SOX6: variants seen among roughly 807,000 people sequenced by gnomAD.
SOX6 encodes the protein SRY-box transcription factor 6, also known as transcription factor SOX-6.
In SOX6, 11 loss-of-function variants were observed where a neutral mutation model predicts 97.8. The ratio of observed to expected loss-of-function variants is 0.11; its 90% confidence interval spans 0.07 to 0.19. The LOEUF (loss-of-function observed/expected upper bound fraction) is 0.19. Among genes scored for constraint, SOX6 ranks in the 10% least tolerant of loss-of-function variants. The probability of loss-of-function intolerance (pLI) is 1.00; values close to 1 mark genes in which losing one functional copy is unlikely to be tolerated. For missense variants in SOX6, 810 were observed against 1,039.5 expected, an observed-to-expected ratio of 0.78 and a Z score of 3.04; for synonymous variants, 360 against 371.4, an observed-to-expected ratio of 0.97 and a Z score of 0.35.
intron 1 of SOX6, among the ~76,000 whole-genome samples, chr11:16,396,842 A>T (rs1441128562): frequency 6.6e-6 from 1 of 151,360 alleles, no homozygotes; most frequent in Non-Finnish European, 1.5e-5. Context: ...ATATCTTTTC[A>T]CTTAATTTTC....
intron 4 of SOX6, among the ~76,000 whole-genome samples, chr11:16,588,419 C>A (rs566858579): frequency 6.6e-6 from 1 of 152,126 alleles, no homozygotes; most frequent in South Asian, 2.1e-4. Flanking sequence ...AATATACCAA[C>A]GAGTTAGAGA....
chr11:16,328,858 T>A (rs1261841637), intron 2 of SOX6, among the ~76,000 whole-genome samples: 1 of 152,102 alleles, frequency 6.6e-6, no homozygotes, highest in Admixed American at 6.6e-5. Context: ...AAAAAGTATG[T>A]TTTTTTCTAA....
At chr11:16,138,237 C>T (rs1210086045) in intron 6 of SOX6, among the ~76,000 whole-genome samples, 1 of 152,158 alleles carries the variant, frequency 6.6e-6, no homozygotes, top group Non-Finnish European at 1.5e-5. Context: ...TAGTTCCATA[C>T]TTAACTAATC....
intron 3 of SOX6, among the ~76,000 whole-genome samples, chr11:16,288,859 C>A (rs904227149): frequency 5.3e-5 from 8 of 151,948 alleles, no homozygotes; most frequent in Non-Finnish European, 1.2e-4. Context: ...AAACCTATTT[C>A]TTAGTCTCCA....
chr11:16,038,732 GA>G (rs999657649), intron 12 of SOX6, among the ~76,000 whole-genome samples: 1 of 151,854 alleles, frequency 6.6e-6, no homozygotes, highest in Non-Finnish European at 1.5e-5. Context: ...GAATGAAATT[GA>G]AAAAAAGTGT....
intron 12 of SOX6, among the ~76,000 whole-genome samples, chr11:16,024,459 T>G (rs944005445): frequency 6.6e-6 from 1 of 150,938 alleles, no homozygotes; most frequent in Non-Finnish European, 1.5e-5. Context: ...ATCTAGAAAC[T>G]TTTTTCTTTA....
intron 3 of SOX6, among the ~76,000 whole-genome samples, chr11:16,268,765 A>AT (rs1291586719): frequency 5.3e-5 from 8 of 150,746 alleles, no homozygotes; most frequent in African/African-American, 1.2e-4. Flanking sequence ...TTGTTTTGAG[A>AT]TTTTTTTGTC....
At chr11:16,503,876 G>A (rs1010783759) in intron 4 of SOX6, among the ~76,000 whole-genome samples, 1 of 151,704 alleles carries the variant, frequency 6.6e-6, no homozygotes, top group African/African-American at 2.4e-5. Context: ...AACTCCGTCT[G>A]TACTAAAAAT....
In SOX6 at chr11:15,972,234, T is replaced by C. The variant is rs944363460; in HGVS notation, c.*575A>G. 2 of 153,016 alleles carry C rather than the reference T, an allele frequency of 1.3e-5. No homozygotes were observed. Among genetic ancestry groups the C allele is most frequent in the African/African-American group, 4.8e-5 (2 of 41,456 alleles). 9.5% of individuals were successfully genotyped at this position (153,016 alleles called of 1,614,324 possible). A position where few individuals can be genotyped will look rare whatever the true frequency, so the allele number is the denominator to read the frequency against. On this transcript the variant is annotated 3_prime_UTR_variant, in exon 16 of 16. Coordinates refer to ENST00000683767, the MANE Select transcript of SOX6 (RefSeq NM_001367873.1). The stretch of plus-strand genomic sequence containing the variant: ...TTTCAAAATATTAAGATTCAAAAGT[T>C]ACGAAAAAGTTTGGCACATTCAAAG...
At chr11:16,306,332 G>A (rs1031345560) in intron 3 of SOX6, among the ~76,000 whole-genome samples, 1 of 152,082 alleles carries the variant, frequency 6.6e-6, no homozygotes, top group African/African-American at 2.4e-5. Flanking sequence ...GCATAATTAG[G>A]ATTATAATTT....
intron 1 of SOX6, among the ~76,000 whole-genome samples, chr11:16,370,633 T>C (rs1443163573): frequency 1.3e-5 from 2 of 152,054 alleles, no homozygotes; most frequent in Non-Finnish European, 1.5e-5. Context: ...CTAACATGCA[T>C]CTCAAACTTA....
chr11:16,673,798 A>G (rs1847864288), intron 3 of SOX6, among the ~76,000 whole-genome samples: 1 of 152,204 alleles, frequency 6.6e-6, no homozygotes, highest in Non-Finnish European at 1.5e-5. Flanking sequence ...GCAAAGATAT[A>G]TCAAAAAAAT....
intron 1 of SOX6, among the ~76,000 whole-genome samples, chr11:16,380,359 TA>T (rs1413750368): frequency 1.3e-5 from 2 of 152,048 alleles, no homozygotes; most frequent in Non-Finnish European, 2.9e-5. Flanking sequence ...ATAATCAGTA[TA>T]AACATTCTGA....
chr11:16,674,675 G>C (rs1390872398), intron 3 of SOX6, among the ~76,000 whole-genome samples: 2 of 151,782 alleles, frequency 1.3e-5, no homozygotes, highest in Non-Finnish European at 2.9e-5. Flanking sequence ...CCAAGGCTGG[G>C]CATGGTAGCT....
At chr11:16,364,335 T>C (rs1190499927) in intron 1 of SOX6, among the ~76,000 whole-genome samples, 1 of 152,112 alleles carries the variant, frequency 6.6e-6, no homozygotes, top group African/African-American at 2.4e-5. Context: ...AAAAATAACT[T>C]AGTAGCCCAA....
At chr11:16,402,943 T>A in intron 1 of SOX6, 1 of 1,053,936 alleles carries the variant, frequency 9.5e-7, no homozygotes, top group Non-Finnish European at 1.4e-6. Flanking sequence ...AACCAATTTT[T>A]ACACCAAGGT....
At chr11:16,320,987 T>C (rs1281103253) in intron 2 of SOX6, among the ~76,000 whole-genome samples, 3 of 152,148 alleles carry the variant, frequency 2.0e-5, no homozygotes, top group African/African-American at 7.2e-5. Flanking sequence ...ATGTTTTATC[T>C]CACTTAATGT....
intron 12 of SOX6, among the ~76,000 whole-genome samples, chr11:16,021,255 A>G (rs1051806151): frequency 1.6e-4 from 24 of 152,156 alleles, no homozygotes; most frequent in Admixed American, 4.6e-4. Context: ...TTTTGAAAGC[A>G]AGACAATGCT....
At chr11:16,508,572 G>A (rs1380314643) in intron 4 of SOX6, among the ~76,000 whole-genome samples, 1 of 152,024 alleles carries the variant, frequency 6.6e-6, no homozygotes, top group Admixed American at 6.6e-5. Context: ...AGTGAGATAA[G>A]CCAGGCACAG....
Sources: allele counts gnomAD v4.1 joint callset (sites outside exome capture counted in the v4.1 genomes callset), GRCh38; gene constraint gnomAD v4.1.1; transcripts MANE v1.5; gene names NCBI Gene and HGNC (gene_info 2026-07-23, HGNC 2026-07-21).